Variants in GNA14 observed in about 807,000 individuals in gnomAD.
The protein encoded by GNA14 is G protein subunit alpha 14.
GNA14 carries 50 observed loss-of-function variants against 42.0 expected under a neutral mutation model. The observed-to-expected ratio is 1.19, with a 90% CI of 0.95 to 1.51. The LOEUF (loss-of-function observed/expected upper bound fraction) is 1.51. Ranked by LOEUF, GNA14 falls within the 40% of genes most tolerant of loss-of-function variation. The probability of loss-of-function intolerance (pLI) is 0.00; values close to 1 mark genes in which losing one functional copy is unlikely to be tolerated. For synonymous variants in GNA14, 173 were observed against 163.1 expected (o/e 1.06, Z -0.46); for missense variants, 473 against 446.2 (o/e 1.06, Z -0.54).
At chr9:77,463,724 C>T (rs900719513) in intron 2 of GNA14, among the ~76,000 whole-genome samples, 1 of 152,084 alleles carries the variant, frequency 6.6e-6, no homozygotes, top group Non-Finnish European at 1.5e-5. Context: ...CAGAATCATG[C>T]CAGGTTCAAT....
At chr9:77,517,927 T>A (rs890886816) in intron 2 of GNA14, 1 of 152,038 alleles carries the variant, frequency 6.6e-6, no homozygotes, top group Non-Finnish European at 1.5e-5. Context: ...TTTTTTAATA[T>A]GTCTGAAAAG....
intron 2 of GNA14, among the ~76,000 whole-genome samples, chr9:77,438,864 C>G (rs1315466515): frequency 7.9e-5 from 12 of 152,164 alleles, no homozygotes; most frequent in Non-Finnish European, 1.6e-4. Flanking sequence ...AAAACAAGGA[C>G]ATCATCGTGC....
intron 1 of GNA14, among the ~76,000 whole-genome samples, chr9:77,534,740 T>C (rs1425457954): frequency 3.8e-4 from 58 of 152,228 alleles, no homozygotes; most frequent in Non-Finnish European, 5.9e-5. Context: ...GACCAGCAGG[T>C]TGGCTCTCTA....
At chr9:77,605,787 C>T (rs527861644) in intron 1 of GNA14, among the ~76,000 whole-genome samples, 3 of 152,166 alleles carry the variant, frequency 2.0e-5, no homozygotes, top group Non-Finnish European at 4.4e-5. Flanking sequence ...TGAATCTTTT[C>T]TAGTTAGCAA....
intron 2 of GNA14, among the ~76,000 whole-genome samples, chr9:77,510,781 G>T (rs1837152577): frequency 6.6e-6 from 1 of 152,210 alleles, no homozygotes; most frequent in African/African-American, 2.4e-5. Flanking sequence ...ATAATTAGGA[G>T]GCAGCTCCCA....
At chr9:77,546,754 T>C (rs1203748141) in intron 1 of GNA14, among the ~76,000 whole-genome samples, 1 of 152,202 alleles carries the variant, frequency 6.6e-6, no homozygotes. Flanking sequence ...AACCTAATGA[T>C]TCATGACGAG....
intron 2 of GNA14, among the ~76,000 whole-genome samples, chr9:77,467,439 C>T (rs1378432845): frequency 6.6e-6 from 1 of 151,300 alleles, no homozygotes; most frequent in Non-Finnish European, 1.5e-5. Flanking sequence ...GCTTCTGGAG[C>T]CCTTGGGGTG....
intron 1 of GNA14, among the ~76,000 whole-genome samples, chr9:77,607,789 CT>C (rs1160115180): frequency 6.6e-6 from 1 of 152,124 alleles, no homozygotes; most frequent in African/African-American, 2.4e-5. Context: ...CACTGGCCTT[CT>C]TACTGTGTCC....
chr9:77,431,491 A>AGG, intron 3 of GNA14, 42 bp from the exon 4 acceptor site: 1 of 1,568,334 alleles, frequency 6.4e-7, no homozygotes, highest in Non-Finnish European at 8.7e-7. Flanking sequence ...CTTTTAGAGC[A>AGG]GGGGGAAATG....
At chr9:77,620,205 TAG>T (rs1485774433) in intron 1 of GNA14, among the ~76,000 whole-genome samples, 1 of 152,182 alleles carries the variant, frequency 6.6e-6, no homozygotes, top group East Asian at 1.9e-4. Flanking sequence ...TGGAAGGATT[TAG>T]AGATTGCCAA....
intron 1 of GNA14, among the ~76,000 whole-genome samples, chr9:77,641,088 AGG>A (rs1824253574): frequency 1.9e-4 from 4 of 20,956 alleles, no homozygotes; most frequent in South Asian, 3.8e-3. Context: ...AGGGGAGGGG[AGG>A]GGAGGGGGGG....
At chr9:77,474,456 A>G (rs187748245) in intron 2 of GNA14, among the ~76,000 whole-genome samples, 187 of 152,348 alleles carry the variant, frequency 1.2e-3, no homozygotes, top group African/African-American at 4.4e-3. Flanking sequence ...AAGCGATACC[A>G]GCAACACACA....
chr9:77,458,007 C>T (rs901965820), intron 2 of GNA14, among the ~76,000 whole-genome samples: 1 of 151,976 alleles, frequency 6.6e-6, no homozygotes, highest in African/African-American at 2.4e-5. Context: ...GCTTTTGAAA[C>T]GGTGGTTTTA....
At chr9:77,572,302 G>A (rs550687370) in intron 1 of GNA14, among the ~76,000 whole-genome samples, 5 of 152,182 alleles carry the variant, frequency 3.3e-5, no homozygotes, top group South Asian at 2.1e-4. Flanking sequence ...ATTATAAAAT[G>A]CATCAATGGA....
chr9:77,577,662 C>G (rs1823149535), intron 1 of GNA14, among the ~76,000 whole-genome samples: 1 of 152,180 alleles, frequency 6.6e-6, no homozygotes, highest in African/African-American at 2.4e-5. Flanking sequence ...TATTCCCCAT[C>G]TGCAGATTAA....
intron 2 of GNA14, among the ~76,000 whole-genome samples, chr9:77,491,546 G>T (rs1043938349): frequency 4.9e-4 from 74 of 152,132 alleles, no homozygotes; most frequent in African/African-American, 1.6e-3. Flanking sequence ...ACAAATCAAA[G>T]ACTGTAAAAA....
intron 1 of GNA14, among the ~76,000 whole-genome samples, chr9:77,608,085 C>T (rs549843999): frequency 6.6e-6 from 1 of 152,244 alleles, no homozygotes; most frequent in East Asian, 1.9e-4. Flanking sequence ...GGCAAGACGG[C>T]CCCAGAGCCA....
intron 1 of GNA14, among the ~76,000 whole-genome samples, chr9:77,554,969 G>GCT (rs1822748848): frequency 6.6e-6 from 1 of 152,186 alleles, no homozygotes; most frequent in Non-Finnish European, 1.5e-5. Context: ...GAAACAGAAA[G>GCT]TTCCATGCAT....
intron 5 of GNA14, among the ~76,000 whole-genome samples, chr9:77,427,462 C>T (rs4745634): frequency 0.58 from 88,153 of 151,632 alleles, 25,762 homozygotes; most frequent in Admixed American, 0.66. Flanking sequence ...GAAAAGTGTG[C>T]TCTCAAGAAA....
Sources: gnomAD v4.1 joint callset for allele counts (sites outside exome capture counted in the v4.1 genomes callset) on GRCh38, gnomAD v4.1.1 for gene constraint, MANE v1.5 for transcripts, NCBI Gene and HGNC (gene_info 2026-07-23, HGNC 2026-07-21) for gene names.